Variants in HEMK2 observed in about 807,000 individuals in gnomAD.
HEMK2 encodes methyltransferase HEMK2.
chr21:28,672,371 T>C, the HEMK2 span, among the ~76,000 whole-genome samples: 1 of 152,072 alleles, frequency 6.6e-6, no homozygotes, highest in East Asian at 1.9e-4. Context: ...TTGACCATAA[T>C]ATTTTCCAAG....
At chr21:28,813,680 C>T in the HEMK2 span, among the ~76,000 whole-genome samples, 1 of 152,148 alleles carries the variant, frequency 6.6e-6, no homozygotes, top group Non-Finnish European at 1.5e-5. Context: ...TCAAACTATA[C>T]TACAAGGCTA....
chr21:28,786,495 A>G, the HEMK2 span, among the ~76,000 whole-genome samples: 1 of 152,192 alleles, frequency 6.6e-6, no homozygotes, highest in South Asian at 2.1e-4. Flanking sequence ...ACATGGTGAA[A>G]CCCTGTCTCT....
chr21:28,800,548 A>G, the HEMK2 span, among the ~76,000 whole-genome samples: 1 of 152,026 alleles, frequency 6.6e-6, no homozygotes, highest in Non-Finnish European at 1.5e-5. Context: ...TATATATATC[A>G]TATGTATGTT....
chr21:28,716,813 G>A, the HEMK2 span, among the ~76,000 whole-genome samples: 1 of 152,250 alleles, frequency 6.6e-6, no homozygotes. Flanking sequence ...TTTTTATTAT[G>A]AAGGGATGCT....
At chr21:28,757,752 G>A in the HEMK2 span, among the ~76,000 whole-genome samples, 1 of 152,154 alleles carries the variant, frequency 6.6e-6, no homozygotes. Context: ...TACTGACTAG[G>A]ATAAGCGTAG....
the HEMK2 span, among the ~76,000 whole-genome samples, chr21:28,695,960 A>T: frequency 2.2e-3 from 336 of 152,198 alleles, 1 homozygote; most frequent in African/African-American, 7.8e-3. Context: ...GACATACCCG[A>T]GACTCGGTAA....
the HEMK2 span, among the ~76,000 whole-genome samples, chr21:28,616,723 C>A: frequency 6.6e-6 from 1 of 152,156 alleles, no homozygotes; most frequent in Non-Finnish European, 1.5e-5. Flanking sequence ...TTGAATATTG[C>A]CAGTTCCTAC....
the HEMK2 span, among the ~76,000 whole-genome samples, chr21:28,831,638 A>AGAAGGAAAGAAGGAAGGAAGGAAG: frequency 6.0e-5 from 2 of 33,122 alleles, 1 homozygote; most frequent in African/African-American, 3.2e-4. Context: ...AAGGAAGGAA[A>AGAAGGAAAGAAGGAAGGAAGGAAG]GAAAGAAAGA....
At chr21:28,709,617 G>T in the HEMK2 span, among the ~76,000 whole-genome samples, 1 of 151,940 alleles carries the variant, frequency 6.6e-6, no homozygotes, top group African/African-American at 2.4e-5. Context: ...CCATCCTTCT[G>T]CCCTATAAAA....
At chr21:28,779,643 G>A in the HEMK2 span, among the ~76,000 whole-genome samples, 1 of 152,174 alleles carries the variant, frequency 6.6e-6, no homozygotes, top group Non-Finnish European at 1.5e-5. Context: ...GGGTAAGTGA[G>A]ATCTTCTGTC....
chr21:28,631,208 A>T, the HEMK2 span, among the ~76,000 whole-genome samples: 1 of 152,174 alleles, frequency 6.6e-6, no homozygotes, highest in Non-Finnish European at 1.5e-5. Flanking sequence ...TCCCAGGAAA[A>T]CTTCAAAAAC....
At chr21:28,719,721 G>A in the HEMK2 span, among the ~76,000 whole-genome samples, 1 of 152,180 alleles carries the variant, frequency 6.6e-6, no homozygotes, top group African/African-American at 2.4e-5. Context: ...GGGTTTGAAG[G>A]AACCCAGTAG....
At chr21:28,676,999 T>C in the HEMK2 span, among the ~76,000 whole-genome samples, 1 of 152,144 alleles carries the variant, frequency 6.6e-6, no homozygotes, top group East Asian at 1.9e-4. Context: ...ATTTCTGCAT[T>C]TCCAACTGAA....
the HEMK2 span, among the ~76,000 whole-genome samples, chr21:28,676,488 C>A: frequency 1.3e-5 from 2 of 151,548 alleles, no homozygotes; most frequent in Non-Finnish European, 2.9e-5. Flanking sequence ...AAGACACAAT[C>A]CCAAATATCA....
chr21:28,622,740 C>G, the HEMK2 span, among the ~76,000 whole-genome samples: 1 of 152,186 alleles, frequency 6.6e-6, no homozygotes, highest in Non-Finnish European at 1.5e-5. Context: ...AAAGGATTCC[C>G]TATTTAATAA....
At chr21:28,769,148 T>A in the HEMK2 span, among the ~76,000 whole-genome samples, 1 of 152,044 alleles carries the variant, frequency 6.6e-6, no homozygotes, top group Non-Finnish European at 1.5e-5. Flanking sequence ...TCCTGACTGG[T>A]CTACTAGCTG....
chr21:28,859,561 C>A, the HEMK2 span, among the ~76,000 whole-genome samples: 1 of 152,174 alleles, frequency 6.6e-6, no homozygotes. Flanking sequence ...TTCTTCTGCT[C>A]TTCTAACAAT....
chr21:28,579,395 T>TA, the HEMK2 span, among the ~76,000 whole-genome samples: 1 of 152,196 alleles, frequency 6.6e-6, no homozygotes, highest in Non-Finnish European at 1.5e-5. Flanking sequence ...AACCTCTTAT[T>TA]AGTTTCCTCA....
chr21:28,741,843 A>C, the HEMK2 span, among the ~76,000 whole-genome samples: 1 of 152,210 alleles, frequency 6.6e-6, no homozygotes, highest in Non-Finnish European at 1.5e-5. Context: ...TGCTATTGTA[A>C]ATAGTGCTGC....
Sources: gnomAD v4.1 joint callset for allele counts (sites outside exome capture counted in the v4.1 genomes callset) on GRCh38, gnomAD v4.1.1 for gene constraint, MANE v1.5 for transcripts, NCBI Gene and HGNC (gene_info 2026-07-23, HGNC 2026-07-21) for gene names.